Variants in ADH1A observed in about 807,000 individuals in gnomAD.
ADH1A encodes alcohol dehydrogenase 1A.
In ADH1A, 29 loss-of-function variants were observed where a neutral mutation model predicts 35.2. The ratio of observed to expected loss-of-function variants is 0.82; its 90% CI spans 0.61 to 1.12. ADH1A has a LOEUF of 1.12. Among genes scored for constraint, ADH1A ranks in the 50% most tolerant of loss-of-function variants. ADH1A has a pLI of 0.00. For missense variants in ADH1A, 469 were observed against 464.7 expected (o/e 1.01, Z -0.09); for synonymous variants, 147 against 164.8 (o/e 0.89, Z 0.83).
At chr4:99,284,086 GCTCT>G (rs1486074303) in intron 5 of ADH1A, among the ~76,000 whole-genome samples, 5 of 152,146 alleles carry the variant, frequency 3.3e-5, no homozygotes, top group Admixed American at 3.3e-4. Context: ...ATGTGTAGGT[GCTCT>G]CTAATTGTAG....
intron 5 of ADH1A, 38 bp from the exon 6 acceptor site, chr4:99,282,644 CTT>C: frequency 6.3e-7 from 1 of 1,598,964 alleles, no homozygotes; most frequent in Non-Finnish European, 8.5e-7. Flanking sequence ...ATTATAAAAA[CTT>C]TATAAAGTGC....
chr4:99,284,177 A>G (rs1431277604), intron 5 of ADH1A, among the ~76,000 whole-genome samples: 1 of 152,236 alleles, frequency 6.6e-6, no homozygotes, highest in African/African-American at 2.4e-5. Context: ...GTAATTATTG[A>G]AAATGAAATC....
chr4:99,282,778 A>T (rs1367572856), intron 5 of ADH1A, among the ~76,000 whole-genome samples, 172 bp from the exon 6 acceptor site: 1 of 152,188 alleles, frequency 6.6e-6, no homozygotes, highest in African/African-American at 2.4e-5. Context: ...GTGGTTCTCA[A>T]ACTGCTGCAT....
At position 99,282,539 on chromosome 4, in the gene ADH1A, C is replaced by T. The variant is rs1413904041; in HGVS notation, c.635G>A (p.Cys212Tyr). 2 of 1,614,094 alleles carry T rather than the reference C, an allele frequency of 1.2e-6. No individual in the cohort carries two copies. The highest frequency in any genetic ancestry group is 1.7e-6 in the Non-Finnish European group (2 of 1,180,038). ...GATTCTGGCTGCCCCAGCTGCTTTA[C>T]AGCCCATAATAGCAGATAGGCCGAC... ...GGVGLSAIMG[C>Y]KAAGAARIIA... Residue 212 changes from cysteine (C) to tyrosine (Y), a missense_variant, in exon 6 of 9, where the codon TGT becomes TAT. Coordinates refer to ENST00000209668, the MANE Select transcript of ADH1A (RefSeq NM_000667.4).
chr4:99,290,293 C>A (rs1733261558), intron 1 of ADH1A, among the ~76,000 whole-genome samples: 1 of 152,108 alleles, frequency 6.6e-6, no homozygotes, highest in Admixed American at 6.5e-5. Flanking sequence ...CATAGGATTA[C>A]TCTGGAAATT....
At position 99,287,605 on chromosome 4, in the gene ADH1A, C is replaced by T. The variant is rs1024650919; in HGVS notation, c.79G>A (p.Val27Met). ...ELKKPFSIEE[V>M]EVAPPKAHEV... ...TGGGCCTTAGGAGGTGCAACCTCCA[C>T]CTCCTCAATGGAAAAGGGTTTCTTT... The change falls in exon 2 of 9, where the codon GTG becomes ATG. Residue 27 changes from valine to methionine, a missense_variant. By Grantham distance (21) the Val-to-Met change is conservative. Transcript: ENST00000209668. 2 of 1,613,934 alleles carry T rather than the reference C, an allele frequency of 1.2e-6. No individual in the cohort carries two copies. Among genetic ancestry groups the T allele is most frequent in the Admixed American group, 3.3e-5 (2 of 60,020 alleles).
intron 6 of ADH1A, among the ~76,000 whole-genome samples, chr4:99,280,542 T>C (rs1202889109): frequency 6.6e-6 from 1 of 152,224 alleles, no homozygotes; most frequent in Admixed American, 6.5e-5. Flanking sequence ...AAGTGGTAGA[T>C]ATCATCACAA....
intron 7 of ADH1A, 150 bp from the exon 8 acceptor site, chr4:99,279,714 C>A: frequency 1.1e-6 from 1 of 945,058 alleles, no homozygotes; most frequent in Admixed American, 2.7e-5. Flanking sequence ...CCTCAATAAG[C>A]TTTTACAGGC....
chr4:99,277,482 T>C (rs1314456771), intron 8 of ADH1A, among the ~76,000 whole-genome samples: 8 of 151,976 alleles, frequency 5.3e-5, no homozygotes, highest in Non-Finnish European at 1.2e-4. Flanking sequence ...TGCATATGCA[T>C]ATATAAGAAA....
chr4:99,281,148 T>G (rs1732991759), intron 6 of ADH1A: 1 of 152,224 alleles, frequency 6.6e-6, no homozygotes. Context: ...GTGGAATCTC[T>G]TGACACTTCA....
chr4:99,287,167 T>G, intron 2 of ADH1A, 179 bp from the exon 3 acceptor site: 1 of 699,426 alleles, frequency 1.4e-6, no homozygotes, highest in Non-Finnish European at 2.3e-6. Flanking sequence ...AACCCTCCTC[T>G]ACCTTCCATT....
intron 5 of ADH1A, 53 bp from the exon 6 acceptor site, chr4:99,282,659 T>C: frequency 6.4e-7 from 1 of 1,572,958 alleles, no homozygotes; most frequent in South Asian, 1.2e-5. Context: ...TAAAGTGCCA[T>C]GCTTAGTGTT....
chr4:99,278,993 A>G (rs560848507), intron 8 of ADH1A, among the ~76,000 whole-genome samples: 11 of 152,142 alleles, frequency 7.2e-5, no homozygotes, highest in Admixed American at 2.0e-4. Flanking sequence ...AGTTTCACAT[A>G]CTCCAATAAT....
intron 5 of ADH1A, among the ~76,000 whole-genome samples, chr4:99,283,316 G>C (rs1429595834): frequency 6.6e-6 from 1 of 152,198 alleles, no homozygotes; most frequent in Admixed American, 6.5e-5. Flanking sequence ...GGGACTAAGA[G>C]CTAAAGTCAC....
intron 6 of ADH1A, 151 bp from the exon 7 acceptor site, chr4:99,280,430 G>T: frequency 7.6e-7 from 1 of 1,311,052 alleles, no homozygotes. Context: ...TTTTTTGCAC[G>T]GGATAGTGCT....
chr4:99,277,410 A>C (rs982332678), intron 8 of ADH1A, among the ~76,000 whole-genome samples: 1 of 152,074 alleles, frequency 6.6e-6, no homozygotes, highest in Non-Finnish European at 1.5e-5. Flanking sequence ...CTCATGAATA[A>C]ATATTTTTAG....
rs891797626 is a variant in ADH1A, at chr4:99,281,496, T to A, written c.828+850A>T. Among the ~76,000 whole-genome samples, 3 of 152,170 alleles carry A rather than the reference T, an allele frequency of 2.0e-5. No homozygotes were observed. In the South Asian group the frequency reaches 6.2e-4, roughly 32 times the overall value. On this transcript the variant is annotated intron_variant, in intron 6 of 8. Transcript: ENST00000209668. Reference sequence around the variant, plus strand: ...TAGCTCGTTCCTATATTCTCAGCATTTTTGGAGGGTGAGGTAGGAGATTTG... The same window carrying A: ...TAGCTCGTTCCTATATTCTCAGCATATTTGGAGGGTGAGGTAGGAGATTTG...
chr4:99,290,153 A>G (rs1733258843), intron 1 of ADH1A, among the ~76,000 whole-genome samples: 1 of 152,318 alleles, frequency 6.6e-6, no homozygotes, highest in African/African-American at 2.4e-5. Context: ...CTATAAACAC[A>G]TTGAACAATT....
rs780240818 is a variant in ADH1A, at chr4:99,286,905, A to T, written c.204T>A (p.His68Gln). The T allele has an allele frequency of 6.2e-7, 1 of 1,614,182 alleles. No individual in the cohort carries two copies. Among genetic ancestry groups the T allele is most frequent in the East Asian group, 2.2e-5 (1 of 44,878 alleles). Residue 68 changes from histidine to glutamine, a missense_variant, in exon 3 of 9, where the codon CAT becomes CAA. Physicochemically the swap from His to Gln is conservative, Grantham distance 24. Coordinates refer to ENST00000209668, the MANE Select transcript of ADH1A (RefSeq NM_000667.4). ...CACTCTCCACGATGCCGGCTGCCTC[A>T]TGGCCTAAAATCACAGGAAGTGGGG... Reference protein sequence around the residue: ...MVTPLPVILGHEAAGIVESVG... With the variant: ...MVTPLPVILGQEAAGIVESVG...
Sources: allele counts gnomAD v4.1 joint callset (sites outside exome capture counted in the v4.1 genomes callset), GRCh38; gene constraint gnomAD v4.1.1; transcripts MANE v1.5; gene names NCBI Gene and HGNC (gene_info 2026-07-23, HGNC 2026-07-21).